The following ARHGEF3 variants were observed in gnomAD, a reference collection of about 807,000 sequenced individuals.
The protein encoded by ARHGEF3 is Rho guanine nucleotide exchange factor 3.
ARHGEF3 carries 28 observed loss-of-function variants against 63.2 expected under a neutral mutation model. The observed-to-expected ratio is 0.44, with a 90% CI of 0.33 to 0.61. The LOEUF (loss-of-function observed/expected upper bound fraction) is 0.61, where lower values mean the gene tolerates loss of function less well. ARHGEF3 is among the 20% of genes least tolerant of loss of function. The probability of loss-of-function intolerance (pLI) is 0.03; values close to 1 mark genes in which losing one functional copy is unlikely to be tolerated. For missense variants in ARHGEF3, 533 were observed against 659.3 expected, an observed-to-expected ratio of 0.81 and a Z score of 2.10; for synonymous variants, 266 against 254.2, an observed-to-expected ratio of 1.05 and a Z score of -0.44.
chr3:56,892,613 T>C (rs1161457746), intron 3 of ARHGEF3, among the ~76,000 whole-genome samples: 1 of 152,224 alleles, frequency 6.6e-6, no homozygotes, highest in African/African-American at 2.4e-5. Flanking sequence ...GTTTAGGGAA[T>C]GTCCAAATCA....
intron 2 of ARHGEF3, among the ~76,000 whole-genome samples, chr3:56,975,209 G>A (rs922056615): frequency 6.6e-6 from 1 of 152,166 alleles, no homozygotes; most frequent in African/African-American, 2.4e-5. Context: ...TTTGAGGTCA[G>A]GAGTATGAGA....
intron 2 of ARHGEF3, among the ~76,000 whole-genome samples, chr3:57,028,152 G>C (rs1042427866): frequency 6.7e-6 from 1 of 150,366 alleles, no homozygotes; most frequent in African/African-American, 2.5e-5. Context: ...CAGGGATCTA[G>C]AACTAGAAAT....
chr3:56,999,125 C>T (rs1324176915), intron 2 of ARHGEF3, among the ~76,000 whole-genome samples: 2 of 151,738 alleles, frequency 1.3e-5, no homozygotes, highest in Non-Finnish European at 2.9e-5. Flanking sequence ...TCTCGGCTCA[C>T]TGCAACCTCT....
chr3:56,853,788 T>C, intron 4 of ARHGEF3, among the ~76,000 whole-genome samples: 1 of 152,260 alleles, frequency 6.6e-6, no homozygotes, highest in East Asian at 1.9e-4. Context: ...CCAAGAGTTA[T>C]GCCAGGCTTT....
upstream of ARHGEF3, among the ~76,000 whole-genome samples, chr3:56,806,635 G>T (rs2107988521): frequency 6.6e-6 from 1 of 152,302 alleles, no homozygotes; most frequent in South Asian, 2.1e-4. Context: ...GGGTCATTTG[G>T]GCTGCTGGTG....
intron 2 of ARHGEF3, among the ~76,000 whole-genome samples, chr3:57,005,888 A>G (rs1702447064): frequency 6.6e-6 from 1 of 152,240 alleles, no homozygotes; most frequent in African/African-American, 2.4e-5. Flanking sequence ...TCTAGTGTTC[A>G]AAGTTTTTTA....
At chr3:57,029,609 G>A (rs188717919) in intron 2 of ARHGEF3, among the ~76,000 whole-genome samples, 2 of 152,170 alleles carry the variant, frequency 1.3e-5, no homozygotes, top group East Asian at 3.9e-4. Flanking sequence ...CTCTGATGAG[G>A]TCTGCAAAAA....
At chr3:56,966,946 C>T (rs565048845) in intron 2 of ARHGEF3, among the ~76,000 whole-genome samples, 2 of 151,032 alleles carry the variant, frequency 1.3e-5, no homozygotes, top group African/African-American at 4.8e-5. Flanking sequence ...TCACTGCAAC[C>T]TCCACCTCCT....
chr3:56,832,041 T>C (rs961455214), intron 4 of ARHGEF3, among the ~76,000 whole-genome samples: 1 of 152,082 alleles, frequency 6.6e-6, no homozygotes, highest in Non-Finnish European at 1.5e-5. Context: ...GAGGGGCCAG[T>C]GGAGGCTATA....
At chr3:56,895,612 T>C (rs1259108148) in intron 3 of ARHGEF3, among the ~76,000 whole-genome samples, 1 of 151,994 alleles carries the variant, frequency 6.6e-6, no homozygotes, top group Non-Finnish European at 1.5e-5. Context: ...TACAGGAGCC[T>C]GCCATCACAC....
chr3:57,015,765 G>C (rs530507023), intron 2 of ARHGEF3, among the ~76,000 whole-genome samples: 1 of 151,968 alleles, frequency 6.6e-6, no homozygotes, highest in South Asian at 2.1e-4. Context: ...TCTTGAAAAG[G>C]TCCCCCAAAT....
chr3:56,794,717 A>T (rs2037261407), intron 1 of ARHGEF3, among the ~76,000 whole-genome samples: 1 of 152,100 alleles, frequency 6.6e-6, no homozygotes, highest in Non-Finnish European at 1.5e-5. Flanking sequence ...TCCTACACAC[A>T]TCCTCTTACA....
At chr3:56,837,601 T>C (rs7639049) in intron 4 of ARHGEF3, among the ~76,000 whole-genome samples, 39,701 of 151,998 alleles carry the variant, frequency 0.26, 5,845 homozygotes, top group Non-Finnish European at 0.33. Context: ...GCAAAAAATG[T>C]TGTATGGAGC....
Position 56,774,973 on chromosome 3 carries a change from T to C in ARHGEF3, c.97-1157A>G, listed in dbSNP as rs2036213435. 4.1e-6 allele frequency: 6 copies of C among 1,451,534 alleles called. No homozygotes were observed. The East Asian group carries it at 1.3e-4, about 32-fold the overall frequency. 89.9% of individuals were successfully genotyped at this position (1,451,534 alleles called of 1,614,324 possible). ...GAAGAGAATGATGATAGACAAAACA[T>C]TTTACAAAGACAAAGAGAAGAGTTA... On this transcript the variant is annotated intron_variant, in intron 1 of 9. Coordinates refer to ENST00000296315, the MANE Select transcript of ARHGEF3 (RefSeq NM_019555.3).
intron 2 of ARHGEF3, among the ~76,000 whole-genome samples, chr3:56,987,803 G>A (rs932456843): frequency 7.9e-5 from 12 of 152,194 alleles, no homozygotes; most frequent in South Asian, 4.1e-4. Flanking sequence ...CACTCACAGC[G>A]TATGCTCTCT....
At chr3:56,812,986 T>A (rs986364685) in intron 4 of ARHGEF3, among the ~76,000 whole-genome samples, 3 of 152,172 alleles carry the variant, frequency 2.0e-5, no homozygotes, top group South Asian at 4.1e-4. Context: ...AAAGCCAACA[T>A]CATGTGGATT....
intron 4 of ARHGEF3, among the ~76,000 whole-genome samples, chr3:56,866,640 A>G (rs1382661612): frequency 1.3e-5 from 2 of 152,258 alleles, no homozygotes; most frequent in African/African-American, 4.8e-5. Flanking sequence ...TAAAAGATGT[A>G]CTGGTACTCT....
At chr3:56,790,783 G>A (rs1171614802) in intron 1 of ARHGEF3, among the ~76,000 whole-genome samples, 2 of 152,094 alleles carry the variant, frequency 1.3e-5, no homozygotes, top group African/African-American at 4.8e-5. Flanking sequence ...GCCCCCCTCG[G>A]CCATCTGGCC....
At chr3:56,839,534 G>A (rs2039239492) in intron 4 of ARHGEF3, among the ~76,000 whole-genome samples, 1 of 152,062 alleles carries the variant, frequency 6.6e-6, no homozygotes, top group Non-Finnish European at 1.5e-5. Flanking sequence ...GGGGAAGCTG[G>A]GAAAGGTACA....
Sources: gnomAD v4.1 joint callset for allele counts (sites outside exome capture counted in the v4.1 genomes callset) on GRCh38, gnomAD v4.1.1 for gene constraint, MANE v1.5 for transcripts, NCBI Gene and HGNC (gene_info 2026-07-23, HGNC 2026-07-21) for gene names.